The following SH3D19 variants were observed in gnomAD, a reference collection of about 807,000 sequenced individuals.
SH3D19 encodes SH3 domain containing 19, also known as SH3 domain-containing protein 19.
SH3D19 carries 58 observed loss-of-function variants against 112.1 expected under a neutral mutation model. The ratio of observed to expected loss-of-function variants is 0.52; its 90% CI spans 0.42 to 0.64. The LOEUF (loss-of-function observed/expected upper bound fraction) is 0.64. Ranked by LOEUF, SH3D19 falls within the 30% of genes least tolerant of loss-of-function variation. The pLI is 0.00. For missense variants in SH3D19, 1,090 were observed against 1,263.4 expected, an observed-to-expected ratio of 0.86 and a Z score of 2.08; for synonymous variants, 391 against 448.5, an observed-to-expected ratio of 0.87 and a Z score of 1.62.
At chr4:151,237,838 T>C (rs1770247593) in intron 1 of SH3D19, among the ~76,000 whole-genome samples, 2 of 152,178 alleles carry the variant, frequency 1.3e-5, no homozygotes, top group Admixed American at 1.3e-4. Flanking sequence ...ATCTGCAGGA[T>C]TTTTCTTTTT....
intron 1 of SH3D19, among the ~76,000 whole-genome samples, chr4:151,323,166 T>G (rs7655373): frequency 0.49 from 74,419 of 151,926 alleles, 18,385 homozygotes; most frequent in South Asian, 0.55. Flanking sequence ...CCAAAATTTA[T>G]CAGGGAGAGA....
rs537318459 is a variant in SH3D19, at chr4:151,264,256, C to T, written c.113-38170G>A. Among the ~76,000 whole-genome samples, 7 of 151,962 alleles carry T rather than the reference C, an allele frequency of 4.6e-5. No individual in the cohort carries two copies. The East Asian group carries it at 1.2e-3, about 25-fold the overall frequency. ...GACCAGCCTGGCCAACATGGTGAAA[C>T]GTTGTCTCTATTAAAAATACAAAAA... On this transcript the variant is annotated intron_variant, in intron 1 of 19. Transcript: ENST00000604030.
At chr4:151,135,154 C>T in intron 14 of SH3D19, 22 bp from the exon 15 acceptor site, 1 of 1,559,120 alleles carries the variant, frequency 6.4e-7, no homozygotes, top group Non-Finnish European at 8.7e-7. Flanking sequence ...AAAATCAAGG[C>T]AACAATTATA....
intron 2 of SH3D19, among the ~76,000 whole-genome samples, chr4:151,189,680 A>G (rs2407427): frequency 0.83 from 127,009 of 152,132 alleles, 54,577 homozygotes; most frequent in Non-Finnish European, 0.95. Context: ...ACCTTCTGCT[A>G]TGATTGTGAG....
intron 1 of SH3D19, among the ~76,000 whole-genome samples, chr4:151,227,287 A>G (rs1769156323): frequency 6.6e-6 from 1 of 152,226 alleles, no homozygotes. Flanking sequence ...ACACAGTTAA[A>G]CGTATGTAAC....
Position 151,121,872 on chromosome 4 carries a change from G to C in SH3D19, c.*219C>G. On this transcript the variant is annotated 3_prime_UTR_variant, in exon 20 of 20. Transcript: ENST00000604030. ...CTAATCCCACTAGATGTTTTCCTCGGTAGAATCCTAGCTCATGGGTTTCCA... is the reference window on the plus strand; with the variant it reads ...CTAATCCCACTAGATGTTTTCCTCGCTAGAATCCTAGCTCATGGGTTTCCA... 2.5e-6 allele frequency: 1 copy of C among 395,056 alleles called. No individual in the cohort carries two copies. The highest frequency in any genetic ancestry group is 5.1e-5 in the South Asian group (1 of 19,710). The allele number at this position is 395,056 out of a possible 1,614,324, so 24.5% of individuals were successfully genotyped here.
intron 2 of SH3D19, among the ~76,000 whole-genome samples, chr4:151,217,762 A>G (rs1472000883): frequency 1.3e-5 from 2 of 152,250 alleles, no homozygotes; most frequent in Middle Eastern, 3.2e-3. Flanking sequence ...ACTGCAATGA[A>G]TTGGAAACAA....
rs191464705 is a variant in SH3D19, at chr4:151,312,680, C to T, written c.112+12561G>A. Among the ~76,000 whole-genome samples, 8 of 152,182 alleles carry T rather than the reference C, an allele frequency of 5.3e-5. No homozygotes were observed. In the South Asian group the frequency reaches 1.2e-3, roughly 24 times the overall value. On this transcript the variant is annotated intron_variant, in intron 1 of 19. Coordinates refer to ENST00000604030, the MANE Select transcript of SH3D19 (RefSeq NM_001378122.1). ...TTGGGAGGCCCAGGTAGGCAGATCACATCAGGTCAGGAGTTTGAGATCAGC... is the reference window on the plus strand; with the variant it reads ...TTGGGAGGCCCAGGTAGGCAGATCATATCAGGTCAGGAGTTTGAGATCAGC...
chr4:151,247,316 A>G (rs1001435988), intron 1 of SH3D19, among the ~76,000 whole-genome samples: 3 of 152,344 alleles, frequency 2.0e-5, no homozygotes, highest in African/African-American at 7.2e-5. Context: ...TTAAAATAGC[A>G]TTAGAATAAT....
chr4:151,199,855 G>A (rs1764138679), intron 2 of SH3D19, among the ~76,000 whole-genome samples: 1 of 152,090 alleles, frequency 6.6e-6, no homozygotes, highest in African/African-American at 2.4e-5. Flanking sequence ...TATTTATTTT[G>A]CTATGGTCTG....
intron 9 of SH3D19, among the ~76,000 whole-genome samples, chr4:151,158,993 T>C (rs931758609): frequency 5.3e-5 from 8 of 152,140 alleles, no homozygotes; most frequent in African/African-American, 1.9e-4. Context: ...TAAAAGACAA[T>C]GCCATTAAGT....
Position 151,259,711 on chromosome 4 carries a change from G to A in SH3D19, c.113-33625C>T, listed in dbSNP as rs557201086. On this transcript the variant is annotated intron_variant, in intron 1 of 19. Coordinates refer to ENST00000604030, the MANE Select transcript of SH3D19 (RefSeq NM_001378122.1). ...TGCACCGCCTGAGAGGCCGGGGTGG[G>A]GCTTATCGTGCACTGCCCAATACAC... 2.0e-5 allele frequency: 3 copies of A among 152,478 alleles called. No homozygotes were observed. In the East Asian group the frequency reaches 5.8e-4, roughly 29 times the overall value. 9.4% of individuals were successfully genotyped at this position (152,478 alleles called of 1,614,324 possible). A position where few individuals can be genotyped will look rare whatever the true frequency, so the allele number is the denominator to read the frequency against.
chr4:151,214,175 G>C (rs1035716233), intron 2 of SH3D19, among the ~76,000 whole-genome samples: 10 of 151,972 alleles, frequency 6.6e-5, no homozygotes, highest in Non-Finnish European at 1.5e-4. Flanking sequence ...AGAGAGCACA[G>C]GGCTGGGGGG....
At chr4:151,319,072 CAG>C (rs1296821336) in intron 1 of SH3D19, among the ~76,000 whole-genome samples, 2 of 152,162 alleles carry the variant, frequency 1.3e-5, no homozygotes, top group Non-Finnish European at 2.9e-5. Flanking sequence ...CTTTTTGAGA[CAG>C]AGTTTCACTC....
chr4:151,206,530 A>C (rs533924574), intron 2 of SH3D19, among the ~76,000 whole-genome samples: 2 of 152,260 alleles, frequency 1.3e-5, no homozygotes, highest in Admixed American at 1.3e-4. Flanking sequence ...TATTCATGGC[A>C]CCCTAATCTA....
intron 1 of SH3D19, chr4:151,279,979 A>G (rs1561426091): frequency 6.2e-7 from 1 of 1,611,416 alleles, no homozygotes; most frequent in South Asian, 1.1e-5. Context: ...GCTGGCAGCT[A>G]ACACACAGAC....
chr4:151,132,591 T>C (rs553386466), intron 16 of SH3D19, among the ~76,000 whole-genome samples: 1 of 152,384 alleles, frequency 6.6e-6, no homozygotes, highest in East Asian at 1.9e-4. Context: ...ATTTATAGTC[T>C]ATATACATTA....
intron 1 of SH3D19, among the ~76,000 whole-genome samples, chr4:151,255,237 G>A (rs1164552567): frequency 3.3e-5 from 5 of 150,698 alleles, no homozygotes; most frequent in African/African-American, 7.3e-5. Flanking sequence ...AGACGGGGCG[G>A]CTGCCGGGCG....
chr4:151,166,723 A>T (rs1487328657), intron 7 of SH3D19, among the ~76,000 whole-genome samples: 2 of 152,152 alleles, frequency 1.3e-5, no homozygotes, highest in East Asian at 3.8e-4. Flanking sequence ...CCTGTGATGA[A>T]CAGCATTCAA....
Sources: allele counts gnomAD v4.1 joint callset (sites outside exome capture counted in the v4.1 genomes callset), GRCh38; gene constraint gnomAD v4.1.1; transcripts MANE v1.5; gene names NCBI Gene and HGNC (gene_info 2026-07-23, HGNC 2026-07-21).